The following YWHAZ variants were observed in gnomAD, a reference collection of about 807,000 sequenced individuals.
YWHAZ encodes 14-3-3 protein zeta/delta.
For synonymous variants in YWHAZ, 87 were observed against 103.6 expected, an observed-to-expected ratio of 0.84 and a Z score of 0.97; for missense variants, 79 against 284.8, an observed-to-expected ratio of 0.28 and a Z score of 5.20.
upstream of YWHAZ, chr8:100,952,059 G>C (rs577158050): frequency 2.0e-6 from 2 of 988,398 alleles, no homozygotes; most frequent in East Asian, 2.3e-4. Flanking sequence ...CCGCTCCGCA[G>C]ACACGGGGTT....
At chr8:100,939,834 AC>A (rs1182440138) in intron 2 of YWHAZ, among the ~76,000 whole-genome samples, 1 of 152,122 alleles carries the variant, frequency 6.6e-6, no homozygotes, top group Non-Finnish European at 1.5e-5. Context: ...AACCTGGCTA[AC>A]CTGGTGAAAC....
intron 2 of YWHAZ, among the ~76,000 whole-genome samples, chr8:100,945,755 T>C (rs1810219813): frequency 6.6e-6 from 1 of 152,112 alleles, no homozygotes; most frequent in South Asian, 2.1e-4. Flanking sequence ...AAAAAGATGG[T>C]AGGAAAAAGA....
rs117446674 is a variant in YWHAZ, at chr8:100,942,387, T to C, written c.294+6209A>G. On this transcript the variant is annotated intron_variant, in intron 2 of 5. Transcript: ENST00000395958. ...AGTAACTTTCACATATACAAGCTTT[T>C]CATAATTAAATGGAATTACTGACTA... Among the ~76,000 whole-genome samples the C allele has an allele frequency of 5.4e-3, 817 of 152,356 alleles. 2 individuals carry two copies. The highest frequency in any genetic ancestry group is 8.7e-3 in the Non-Finnish European group (593 of 68,042).
intron 2 of YWHAZ, among the ~76,000 whole-genome samples, chr8:100,929,593 G>A (rs1194088631): frequency 6.6e-6 from 1 of 152,170 alleles, no homozygotes; most frequent in African/African-American, 2.4e-5. Flanking sequence ...TTTCCCTACT[G>A]TACTATTGAA....
upstream of YWHAZ, chr8:100,953,065 G>A: frequency 1.0e-6 from 1 of 997,504 alleles, no homozygotes. Context: ...GGCCTGGAAG[G>A]AGGCGCGGCC....
At chr8:100,927,468 G>C (rs1813443596) in intron 2 of YWHAZ, among the ~76,000 whole-genome samples, 1 of 151,818 alleles carries the variant, frequency 6.6e-6, no homozygotes, top group South Asian at 2.1e-4. Flanking sequence ...AGGCTGCAGT[G>C]ATCTGTAATT....
At position 100,920,741 on chromosome 8, in the gene YWHAZ, C is replaced by T. The variant is rs765810489; in HGVS notation, c.690G>A (p.Ser230=). Residue 230 remains serine (S), a synonymous_variant, in exon 6 of 6, where the codon TCG becomes TCA. Transcript: ENST00000395958. ...CTTCAGCTTCGTCTCCTTGGGTATC[C>T]GATGTCCACAACTGGTAAAAGAAGG... ...LLRDNLTLWT[S]DTQGDEAEAG... 1.6e-5 allele frequency: 25 copies of T among 1,565,818 alleles called. No homozygotes were observed. Among genetic ancestry groups the T allele is most frequent in the Admixed American group, 9.2e-5 (5 of 54,128 alleles).
chr8:100,936,110 G>A (rs57561937), intron 2 of YWHAZ, among the ~76,000 whole-genome samples: 17,231 of 152,168 alleles, frequency 0.11, 2,120 homozygotes, highest in African/African-American at 0.31. Flanking sequence ...CGTGCTATGT[G>A]CTGAGATTTG....
chr8:100,947,461 T>C (rs1586158783), intron 2 of YWHAZ, among the ~76,000 whole-genome samples: 1 of 152,142 alleles, frequency 6.6e-6, no homozygotes, highest in Admixed American at 6.5e-5. Context: ...TTTGTGGCTG[T>C]GAACCCAAAT....
chr8:100,945,070 C>A (rs938582928), intron 2 of YWHAZ, among the ~76,000 whole-genome samples: 26 of 152,184 alleles, frequency 1.7e-4, no homozygotes, highest in African/African-American at 6.0e-4. Flanking sequence ...CCCTCCCCAA[C>A]TACCAAGAGA....
chr8:100,953,055 G>A (rs1484163905), upstream of YWHAZ: 2 of 998,584 alleles, frequency 2.0e-6, no homozygotes, highest in Non-Finnish European at 2.4e-6. Flanking sequence ...CAGGAGGTGA[G>A]GCCTGGAAGG....
intron 2 of YWHAZ, among the ~76,000 whole-genome samples, chr8:100,947,151 G>A (rs553884196): frequency 1.3e-4 from 19 of 151,482 alleles, no homozygotes; most frequent in African/African-American, 4.1e-4. Context: ...CTATTCGGGA[G>A]GCTGAGGCAG....
At chr8:100,921,586 T>TA (rs1158893986) in intron 5 of YWHAZ, among the ~76,000 whole-genome samples, 1 of 152,192 alleles carries the variant, frequency 6.6e-6, no homozygotes, top group Non-Finnish European at 1.5e-5. Context: ...TTCTAACACT[T>TA]TAAGCTTAGA....
At chr8:100,923,708 A>G (rs533064946) in intron 5 of YWHAZ, 1 of 333,384 alleles carries the variant, frequency 3.0e-6, no homozygotes, top group East Asian at 5.3e-5. Context: ...CACTTTTGAT[A>G]CTAACAAATT....
chr8:100,952,443 G>C (rs1445294303), upstream of YWHAZ: 1 of 154,062 alleles, frequency 6.5e-6, no homozygotes, highest in Non-Finnish European at 1.4e-5. Context: ...CCTCTCAGCC[G>C]GCGGGAAGGC....
In YWHAZ at chr8:100,918,408, T is replaced by TTTTATA. The variant is rs1554611375; in HGVS notation, c.*2284_*2285insTATAAA. ...AGTCTAGCTATAAAATATAATTACTTTATATATATATATATATATATATAT... is the reference window on the plus strand; with the variant it reads ...AGTCTAGCTATAAAATATAATTACTTTTTATATATATATATATATATATATATATAT... On this transcript the variant is annotated 3_prime_UTR_variant, in exon 6 of 6. Coordinates refer to ENST00000395958, the MANE Select transcript of YWHAZ (RefSeq NM_145690.3). 2 of 41,888 alleles carry TTTTATA rather than the reference T, an allele frequency of 4.8e-5. No individual in the cohort carries two copies. Among genetic ancestry groups the TTTTATA allele is most frequent in the African/African-American group, 1.4e-4 (2 of 14,120 alleles). 2.6% of individuals were successfully genotyped at this position (41,888 alleles called of 1,614,324 possible).
chr8:100,924,965 T>G lies in YWHAZ; in HGVS notation c.369A>C (p.Gly123=), dbSNP rs1240139298. ...ESKVFYLKMK[G]DYYRYLAEVA... ...CCTCAGCCAAGTAACGGTAGTAATC[T>G]CCTTTCATTTTCAAATAGAAGACTT... Residue 123 remains glycine (G), a synonymous_variant, in exon 3 of 6, where the codon GGA becomes GGC. Transcript: ENST00000395958. This position sits in a 1 kb window ranked among gnomAD's most constrained non-coding sequence, Gnocchi z 5.7. 1.2e-6 allele frequency: 2 copies of G among 1,613,604 alleles called. No individual in the cohort carries two copies. Among genetic ancestry groups the G allele is most frequent in the Admixed American group, 1.7e-5 (1 of 60,012 alleles).
rs150130795 is a variant in YWHAZ, at chr8:100,926,743, T to C, written c.295-1704A>G. On this transcript the variant is annotated intron_variant, in intron 2 of 5. Transcript: ENST00000395958. ...TTCAAAGTTCTCTTAGCTGCAAAAG[T>C]GTTTTGTCCTTTGAATACAATGCTT... Among the ~76,000 whole-genome samples the C allele has an allele frequency of 1.3e-3, 194 of 152,366 alleles. 1 individual carries two copies. Among genetic ancestry groups the C allele is most frequent in the African/African-American group, 4.3e-3 (179 of 41,586 alleles).
chr8:100,927,008 A>T (rs2130142387), intron 2 of YWHAZ, among the ~76,000 whole-genome samples: 1 of 152,338 alleles, frequency 6.6e-6, no homozygotes, highest in East Asian at 1.9e-4. Flanking sequence ...ACACCGTGTG[A>T]ACTACTTAAT....
Sources: allele counts gnomAD v4.1 joint callset (sites outside exome capture counted in the v4.1 genomes callset), GRCh38; gene constraint gnomAD v4.1.1; non-coding constraint Gnocchi (gnomAD v3.1); transcripts MANE v1.5; gene names NCBI Gene and HGNC (gene_info 2026-07-23, HGNC 2026-07-21).